Variants in GPRIN3 observed in about 807,000 individuals in gnomAD.
GPRIN3 encodes GPRIN family member 3.
A neutral mutation model predicts 13.7 loss-of-function variants in GPRIN3; 12 were observed. The observed-to-expected ratio is 0.87, with a 90% CI of 0.56 to 1.42. The LOEUF (loss-of-function observed/expected upper bound fraction) is 1.42. GPRIN3 is among the 40% of genes most tolerant of loss of function. GPRIN3 has a pLI of 0.00. For missense variants in GPRIN3, 1,009 were observed against 958.7 expected, an observed-to-expected ratio of 1.05 and a Z score of -0.69; for synonymous variants, 377 against 372.7, an observed-to-expected ratio of 1.01 and a Z score of -0.13.
At chr4:89,259,113 A>G (rs1723558451) in intron 1 of GPRIN3, among the ~76,000 whole-genome samples, 2 of 152,204 alleles carry the variant, frequency 1.3e-5, no homozygotes, top group Non-Finnish European at 2.9e-5. Flanking sequence ...CTAAATCCCA[A>G]TCTAAAGACT....
intron 1 of GPRIN3, among the ~76,000 whole-genome samples, chr4:89,285,105 T>A (rs1241115845): frequency 1.3e-5 from 2 of 150,214 alleles, no homozygotes; most frequent in African/African-American, 2.5e-5. Context: ...TATGATTTCA[T>A]CTCCACCCCA....
Position 89,269,420 on chromosome 4 carries a change from TC to T in GPRIN3, c.-123-19188del, listed in dbSNP as rs201122848. 4.6e-5 allele frequency among the ~76,000 whole-genome samples: 7 copies of T among 152,216 alleles called. No individual in the cohort carries two copies. In the East Asian group the frequency reaches 1.4e-3, roughly 29 times the overall value. ...TCAGAACTAGATCTGTGTTACAACGTCCACACCGCCCCCTCTACAAGCCCCA... is the reference window on the plus strand; with the variant it reads ...TCAGAACTAGATCTGTGTTACAACGTCACACCGCCCCCTCTACAAGCCCCA... On this transcript the variant is annotated intron_variant, in intron 1 of 1. Coordinates refer to ENST00000609438, the MANE Select transcript of GPRIN3 (RefSeq NM_198281.3).
intron 1 of GPRIN3, among the ~76,000 whole-genome samples, chr4:89,271,633 A>G (rs1487766572): frequency 1.3e-5 from 2 of 151,922 alleles, no homozygotes; most frequent in African/African-American, 4.8e-5. Flanking sequence ...TTTTTGATCC[A>G]TGGTTGGAGG....
At chr4:89,254,154 G>A (rs1473757545) in intron 1 of GPRIN3, among the ~76,000 whole-genome samples, 1 of 69,468 alleles carries the variant, frequency 1.4e-5, no homozygotes, top group Admixed American at 1.2e-4. Context: ...TGTGTGTGGA[G>A]TGTGTGTCCT....
intron 1 of GPRIN3, among the ~76,000 whole-genome samples, chr4:89,292,247 C>T (rs1724592977): frequency 1.3e-5 from 2 of 152,134 alleles, no homozygotes. Context: ...TATATACTTT[C>T]TTCCCTTTTC....
Position 89,240,861 on chromosome 4 carries a change from C to A in GPRIN3, c.*6919G>T, listed in dbSNP as rs1187337880. The A allele has an allele frequency of 6.6e-6, 1 of 152,168 alleles. No homozygotes were observed. The highest frequency in any genetic ancestry group is 1.5e-5 in the Non-Finnish European group (1 of 68,022). 9.4% of individuals were successfully genotyped at this position (152,168 alleles called of 1,614,324 possible). A position where few individuals can be genotyped will look rare whatever the true frequency, so the allele number is the denominator to read the frequency against. Reference sequence around the variant, plus strand: ...ATGTGTGCCTATATATGTGGATAAGCTATTTACATTTTTATGTGTAGAAAA... The same window carrying A: ...ATGTGTGCCTATATATGTGGATAAGATATTTACATTTTTATGTGTAGAAAA... On this transcript the variant is annotated 3_prime_UTR_variant, in exon 2 of 2. Transcript: ENST00000609438.
chr4:89,259,707 A>C, intron 1 of GPRIN3, among the ~76,000 whole-genome samples: 2 of 150,070 alleles, frequency 1.3e-5, no homozygotes, highest in Non-Finnish European at 3.0e-5. Context: ...CCCCTCTACC[A>C]CCCCCAACTG....
intron 1 of GPRIN3, among the ~76,000 whole-genome samples, chr4:89,297,600 A>G (rs1724775399): frequency 6.6e-6 from 1 of 152,196 alleles, no homozygotes; most frequent in Non-Finnish European, 1.5e-5. Context: ...GCAAATACAC[A>G]GAGATGGAAT....
intron 1 of GPRIN3, among the ~76,000 whole-genome samples, chr4:89,252,550 T>C (rs974557331): frequency 2.0e-5 from 3 of 152,152 alleles, no homozygotes; most frequent in Non-Finnish European, 4.4e-5. Context: ...GGCTACAAAG[T>C]GTCAAAATAA....
chr4:89,287,179 C>G (rs534469898), intron 1 of GPRIN3, among the ~76,000 whole-genome samples: 68 of 152,158 alleles, frequency 4.5e-4, no homozygotes, highest in African/African-American at 1.6e-3. Context: ...GCCTCCAAAA[C>G]TAAATATTTC....
chr4:89,289,131 T>C lies in GPRIN3; in HGVS notation c.-124+18484A>G, dbSNP rs550764217. Reference sequence around the variant, plus strand: ...CCTTCAGGCCTCTTCTTTCCTGTCCTTGATAATCTCGTATGATCTTAGGGT... The same window carrying C: ...CCTTCAGGCCTCTTCTTTCCTGTCCCTGATAATCTCGTATGATCTTAGGGT... On this transcript the variant is annotated intron_variant, in intron 1 of 1. Transcript: ENST00000609438. 2.0e-5 allele frequency among the ~76,000 whole-genome samples: 3 copies of C among 150,440 alleles called. No homozygotes were observed. In the East Asian group the frequency reaches 5.8e-4, roughly 29 times the overall value.
At chr4:89,283,097 T>A (rs1331068998) in intron 1 of GPRIN3, among the ~76,000 whole-genome samples, 1 of 152,224 alleles carries the variant, frequency 6.6e-6, no homozygotes, top group Non-Finnish European at 1.5e-5. Flanking sequence ...GTAAAATCCC[T>A]TGCTTCATTG....
At position 89,271,823 on chromosome 4, in the gene GPRIN3, G is replaced by A. The variant is rs145470949; in HGVS notation, c.-123-21590C>T. On this transcript the variant is annotated intron_variant, in intron 1 of 1. Coordinates refer to ENST00000609438, the MANE Select transcript of GPRIN3 (RefSeq NM_198281.3). Reference sequence around the variant, plus strand: ...CCAGAATCATCAGAACTTGCTCTCTGCTACAGACTGAATATTTGTGTTTCT... The same window carrying A: ...CCAGAATCATCAGAACTTGCTCTCTACTACAGACTGAATATTTGTGTTTCT... 4.3e-3 allele frequency among the ~76,000 whole-genome samples: 651 copies of A among 152,220 alleles called. 11 individuals are homozygous for A. The highest frequency in any genetic ancestry group is 0.015 in the African/African-American group (607 of 41,524).
intron 1 of GPRIN3, among the ~76,000 whole-genome samples, chr4:89,258,122 A>C (rs1189591210): frequency 6.6e-6 from 1 of 151,618 alleles, no homozygotes; most frequent in Non-Finnish European, 1.5e-5. Flanking sequence ...TTTCCAGACA[A>C]ACGCCAGAGT....
chr4:89,257,498 A>T (rs1561192506), intron 1 of GPRIN3, among the ~76,000 whole-genome samples: 1 of 152,188 alleles, frequency 6.6e-6, no homozygotes, highest in Non-Finnish European at 1.5e-5. Flanking sequence ...TATTGCAGAC[A>T]CTGTTCTGTA....
chr4:89,278,683 A>C (rs1724160962), intron 1 of GPRIN3, among the ~76,000 whole-genome samples: 1 of 152,198 alleles, frequency 6.6e-6, no homozygotes, highest in Non-Finnish European at 1.5e-5. Context: ...ATTAATGCCT[A>C]TATAGTAGGT....
At chr4:89,270,600 T>TATATATATAA (rs1328112008) in intron 1 of GPRIN3, among the ~76,000 whole-genome samples, 12 of 120,580 alleles carry the variant, frequency 1.0e-4, no homozygotes, top group East Asian at 4.8e-4. Flanking sequence ...TATATATATA[T>TATATATATAA]AAAATATAGA....
intron 1 of GPRIN3, among the ~76,000 whole-genome samples, chr4:89,269,499 A>G (rs867859987): frequency 2.6e-5 from 4 of 151,988 alleles, no homozygotes; most frequent in African/African-American, 9.6e-5. Flanking sequence ...TTTTGTACTC[A>G]CTCTTTTCAT....
At chr4:89,252,362 AT>A (rs922294719) in intron 1 of GPRIN3, among the ~76,000 whole-genome samples, 1 of 152,198 alleles carries the variant, frequency 6.6e-6, no homozygotes, top group African/African-American at 2.4e-5. Context: ...GTGTTTTAAT[AT>A]TTATCATTAA....
Sources: allele counts gnomAD v4.1 joint callset (sites outside exome capture counted in the v4.1 genomes callset), GRCh38; gene constraint gnomAD v4.1.1; transcripts MANE v1.5; gene names NCBI Gene and HGNC (gene_info 2026-07-23, HGNC 2026-07-21).